Variants in PDE11A observed in about 807,000 individuals in gnomAD.
PDE11A encodes phosphodiesterase 11A, also known as dual 3',5'-cyclic-AMP and -GMP phosphodiesterase 11A.
Under a neutral mutation model 100.5 loss-of-function variants are expected in PDE11A, and 100 were observed. The ratio of observed to expected loss-of-function variants is 1.00; its 90% confidence interval spans 0.85 to 1.18. PDE11A has a LOEUF of 1.18. Among genes scored for constraint, PDE11A ranks in the 50% most tolerant of loss-of-function variants. The pLI, the probability that PDE11A is intolerant of heterozygous loss-of-function variation, is 0.00. For missense variants in PDE11A, 1,141 were observed against 1,152.6 expected, an observed-to-expected ratio of 0.99 and a Z score of 0.15; for synonymous variants, 381 against 420.8, an observed-to-expected ratio of 0.91 and a Z score of 1.16.
chr2:177,751,628 G>A (rs1038017401), intron 10 of PDE11A, among the ~76,000 whole-genome samples: 24 of 152,218 alleles, frequency 1.6e-4, no homozygotes, highest in African/African-American at 5.5e-4. Context: ...CCTTGTGTCT[G>A]AGATTTTCTA....
intron 1 of PDE11A, among the ~76,000 whole-genome samples, chr2:178,023,482 CTT>C (rs1410310924): frequency 2.0e-5 from 3 of 152,144 alleles, no homozygotes; most frequent in Admixed American, 2.0e-4. Context: ...CCTAAGATCT[CTT>C]TTATTCCCTC....
chr2:177,709,358 T>C (rs1574066932), intron 13 of PDE11A, among the ~76,000 whole-genome samples: 1 of 152,226 alleles, frequency 6.6e-6, no homozygotes, highest in East Asian at 1.9e-4. Flanking sequence ...AAGCAGTCCT[T>C]GCTGTAAGCA....
Position 177,820,260 on chromosome 2 carries a change from A to G in PDE11A, c.1536T>C (p.Val512=). The change falls in exon 7 of 20, where the codon GTT becomes GTC. Residue 512 remains valine, a synonymous_variant. Coordinates refer to ENST00000286063, the MANE Select transcript of PDE11A (RefSeq NM_016953.4). ...DQISGFHIRS[V]LCVPIWNSNH... is the part of the protein sequence containing the mutation. ...TGCTATTCCAAATAGGGACACAAAG[A>G]ACAGATCTTATGTGAAAACCAGATA... The G allele has an allele frequency of 6.3e-7, 1 of 1,594,394 alleles. No individual in the cohort carries two copies.
At chr2:178,065,974 T>G (rs980063380) in intron 1 of PDE11A, among the ~76,000 whole-genome samples, 3 of 151,664 alleles carry the variant, frequency 2.0e-5, no homozygotes, top group African/African-American at 7.3e-5. Context: ...ATATAATAAA[T>G]ATATATCAGC....
chr2:177,951,056 A>G (rs757835038), intron 2 of PDE11A, among the ~76,000 whole-genome samples: 9 of 152,390 alleles, frequency 5.9e-5, no homozygotes, highest in Non-Finnish European at 1.2e-4. Context: ...TATTTTACCA[A>G]TTCAAGTCTG....
rs184432179 is a variant in PDE11A, at chr2:178,019,499, T to C, written c.913-5039A>G. ...TAAAATTTCTAAAAATAAAATGCTA[T>C]ATAATAAAACATATTCGACTCTTTT... On this transcript the variant is annotated intron_variant, in intron 1 of 19. Coordinates refer to ENST00000286063, the MANE Select transcript of PDE11A (RefSeq NM_016953.4). 2.2e-4 allele frequency among the ~76,000 whole-genome samples: 33 copies of C among 152,286 alleles called. 1 individual carries two copies. The East Asian group carries it at 6.2e-3, about 28-fold the overall frequency.
At chr2:177,635,118 G>A (rs2080020285) in intron 19 of PDE11A, among the ~76,000 whole-genome samples, 1 of 152,204 alleles carries the variant, frequency 6.6e-6, no homozygotes, top group Admixed American at 6.5e-5. Context: ...TCCCAGGGGA[G>A]TCCATTTAGT....
chr2:177,822,025 T>C (rs570006379), intron 6 of PDE11A, among the ~76,000 whole-genome samples: 1 of 152,116 alleles, frequency 6.6e-6, no homozygotes, highest in East Asian at 1.9e-4. Flanking sequence ...CAAATATTTT[T>C]CTTATTCCAT....
chr2:178,066,221 T>C (rs1281543710), intron 1 of PDE11A, among the ~76,000 whole-genome samples: 1 of 152,098 alleles, frequency 6.6e-6, no homozygotes, highest in African/African-American at 2.4e-5. Flanking sequence ...AGGATGGTGC[T>C]GAGGCCACAT....
intron 6 of PDE11A, among the ~76,000 whole-genome samples, chr2:177,823,744 T>C (rs1043256475): frequency 1.3e-5 from 2 of 152,190 alleles, no homozygotes; most frequent in African/African-American, 4.8e-5. Flanking sequence ...TAGAAAGGTA[T>C]AATCTACAGA....
intron 9 of PDE11A, among the ~76,000 whole-genome samples, chr2:177,770,205 C>G (rs1339449765): frequency 1.3e-5 from 2 of 152,158 alleles, no homozygotes; most frequent in East Asian, 3.9e-4. Flanking sequence ...GTAACAAATG[C>G]CCTTTTGAGT....
intron 2 of PDE11A, among the ~76,000 whole-genome samples, chr2:178,100,612 C>T (rs79338640): frequency 0.015 from 2,332 of 152,222 alleles, 52 homozygotes; most frequent in African/African-American, 0.053. Flanking sequence ...TTGTTCTTAT[C>T]TCATCAGCAG....
intron 10 of PDE11A, among the ~76,000 whole-genome samples, chr2:177,765,939 G>T (rs1264858278): frequency 1.3e-5 from 2 of 152,144 alleles, no homozygotes; most frequent in Non-Finnish European, 2.9e-5. Flanking sequence ...TCATATTTAC[G>T]TATGTAAAAT....
At chr2:177,971,690 A>T (rs992275844) in intron 2 of PDE11A, among the ~76,000 whole-genome samples, 1 of 152,164 alleles carries the variant, frequency 6.6e-6, no homozygotes, top group Admixed American at 6.5e-5. Context: ...GAGGAGGCTG[A>T]TATTTATAAT....
chr2:177,970,186 T>A (rs1039198466), intron 2 of PDE11A, among the ~76,000 whole-genome samples: 2 of 152,132 alleles, frequency 1.3e-5, no homozygotes, highest in Admixed American at 1.3e-4. Flanking sequence ...CCTGAAACCA[T>A]TCAAATGCCA....
At position 177,714,298 on chromosome 2, in the gene PDE11A, C is replaced by T. The variant is rs549056491; in HGVS notation, c.2044-2420G>A. Among the ~76,000 whole-genome samples the T allele has an allele frequency of 3.3e-5, 5 of 152,290 alleles. No individual in the cohort carries two copies. The South Asian group carries it at 1.0e-3, about 32-fold the overall frequency. ...GTGAGCCACTACGCCCAGCCCCCCA[C>T]TATATTTCTATATAGCATGCACATA... On this transcript the variant is annotated intron_variant, in intron 12 of 19. Transcript: ENST00000286063.
At chr2:178,104,253 T>A (rs761816112) in intron 2 of PDE11A, 5 of 1,544,970 alleles carry the variant, frequency 3.2e-6, no homozygotes, top group Non-Finnish European at 4.5e-6. Flanking sequence ...ATATGCTTTA[T>A]TCTTTCCTAC....
At chr2:177,856,302 C>T (rs58297855) in intron 5 of PDE11A, among the ~76,000 whole-genome samples, 1 of 152,068 alleles carries the variant, frequency 6.6e-6, no homozygotes, top group African/African-American at 2.4e-5. Flanking sequence ...AACATTAGAT[C>T]GTGGGGTGAG....
chr2:177,871,561 T>TTATC (rs1558983924), intron 5 of PDE11A, among the ~76,000 whole-genome samples: 274 of 130,380 alleles, frequency 2.1e-3, no homozygotes, highest in African/African-American at 7.8e-3. Flanking sequence ...TTATTATTAT[T>TTATC]ATTATTATTA....
Sources: gnomAD v4.1 joint callset for allele counts (sites outside exome capture counted in the v4.1 genomes callset) on GRCh38, gnomAD v4.1.1 for gene constraint, MANE v1.5 for transcripts, NCBI Gene and HGNC (gene_info 2026-07-23, HGNC 2026-07-21) for gene names.